The following ZPBP variants were observed in gnomAD, a reference collection of about 807,000 sequenced individuals.
ZPBP encodes the protein zona pellucida-binding protein 1.
A neutral mutation model predicts 44.8 loss-of-function variants in ZPBP; 26 were observed. That is an observed-to-expected ratio of 0.58 (90% confidence interval 0.43 to 0.81). ZPBP has a LOEUF of 0.81. ZPBP is among the 30% of genes least tolerant of loss of function. ZPBP has a pLI of 0.00. For missense variants in ZPBP, 409 were observed against 434.0 expected, an observed-to-expected ratio of 0.94 and a Z score of 0.51; for synonymous variants, 174 against 153.2, an observed-to-expected ratio of 1.14 and a Z score of -1.00.
chr7:49,984,463 TG>T (rs1247064124), intron 6 of ZPBP, among the ~76,000 whole-genome samples: 8 of 152,234 alleles, frequency 5.3e-5, no homozygotes, highest in Non-Finnish European at 1.2e-4. Context: ...AATGGTTTTA[TG>T]GAAGACAGTT....
intron 2 of ZPBP, among the ~76,000 whole-genome samples, chr7:49,886,654 G>T (rs1166180226): frequency 1.3e-5 from 2 of 151,962 alleles, no homozygotes; most frequent in Non-Finnish European, 2.9e-5. Context: ...TTGTTATATA[G>T]GTAAACTAGT....
At chr7:49,913,797 G>C (rs1400237118) in intron 1 of ZPBP, 1 of 152,108 alleles carries the variant, frequency 6.6e-6, no homozygotes, top group Non-Finnish European at 1.5e-5. Flanking sequence ...AATCATTAAA[G>C]ACTGAATAAC....
chr7:50,054,035 T>C (rs186064045), intron 4 of ZPBP, among the ~76,000 whole-genome samples: 1 of 152,156 alleles, frequency 6.6e-6, no homozygotes, highest in East Asian at 1.9e-4. Context: ...ATTACAGGCA[T>C]GCACCACCAC....
At chr7:49,980,289 A>AT (rs1474166973) in intron 7 of ZPBP, among the ~76,000 whole-genome samples, 2 of 47,340 alleles carry the variant, frequency 4.2e-5, no homozygotes, top group African/African-American at 1.3e-4. Context: ...TATATAATAT[A>AT]AATATATAAT....
At chr7:50,044,754 A>G (rs1800262393) in intron 4 of ZPBP, among the ~76,000 whole-genome samples, 1 of 152,232 alleles carries the variant, frequency 6.6e-6, no homozygotes, top group Non-Finnish European at 1.5e-5. Flanking sequence ...AGCTGGTACC[A>G]TTCCTTCTGA....
chr7:49,984,474 T>A (rs533319299), intron 6 of ZPBP, among the ~76,000 whole-genome samples: 13 of 152,288 alleles, frequency 8.5e-5, no homozygotes, highest in African/African-American at 3.1e-4. Context: ...GGAAGACAGT[T>A]TTTTCACAGA....
intron 2 of ZPBP, among the ~76,000 whole-genome samples, chr7:49,891,343 T>C (rs748529532): frequency 6.6e-6 from 1 of 152,098 alleles, no homozygotes; most frequent in Non-Finnish European, 1.5e-5. Context: ...TAAAGCAAAA[T>C]TGGAAAGAAC....
At chr7:49,968,868 G>A (rs1242225333) in intron 7 of ZPBP, among the ~76,000 whole-genome samples, 1 of 151,760 alleles carries the variant, frequency 6.6e-6, no homozygotes, top group African/African-American at 2.4e-5. Flanking sequence ...CTACATATCA[G>A]GAGAAAATAT....
intron 6 of ZPBP, among the ~76,000 whole-genome samples, chr7:49,993,304 G>T (rs1030864490): frequency 4.6e-5 from 7 of 151,924 alleles, no homozygotes; most frequent in African/African-American, 1.7e-4. Flanking sequence ...CTATGAAAAG[G>T]AATCATTTTT....
downstream of ZPBP, among the ~76,000 whole-genome samples, chr7:49,932,720 A>T (rs1481353352): frequency 6.6e-6 from 1 of 152,054 alleles, no homozygotes; most frequent in Non-Finnish European, 1.5e-5. Flanking sequence ...TCACAGGTGA[A>T]ACTATATGGT....
chr7:49,844,694 T>C, the ZPBP span, among the ~76,000 whole-genome samples: 1 of 152,154 alleles, frequency 6.6e-6, no homozygotes, highest in African/African-American at 2.4e-5. Flanking sequence ...TTTTTATTTT[T>C]ATTTTTATTT....
At chr7:50,024,465 A>C (rs1315962430) in intron 5 of ZPBP, among the ~76,000 whole-genome samples, 2 of 6,956 alleles carry the variant, frequency 2.9e-4, no homozygotes, top group African/African-American at 1.2e-3. Context: ...AATGCATTAT[A>C]CACACACACA....
At chr7:49,890,922 A>T (rs1476924158) in intron 2 of ZPBP, among the ~76,000 whole-genome samples, 1 of 142,832 alleles carries the variant, frequency 7.0e-6, no homozygotes, top group Non-Finnish European at 1.6e-5. Context: ...GTAAACAGGC[A>T]TAAAAAAAAG....
At chr7:49,986,739 T>C (rs1490329753) in intron 6 of ZPBP, among the ~76,000 whole-genome samples, 1 of 152,168 alleles carries the variant, frequency 6.6e-6, no homozygotes, top group Non-Finnish European at 1.5e-5. Context: ...TATCACTGTT[T>C]ATATTCTCCA....
chr7:49,935,627 G>A (rs1413476175), downstream of ZPBP: 1 of 152,322 alleles, frequency 6.6e-6, no homozygotes, highest in Non-Finnish European at 1.5e-5. Context: ...TCGAACTCCT[G>A]ACCTTGTGAT....
chr7:49,866,486 C>T (rs1790895377), intron 2 of ZPBP, among the ~76,000 whole-genome samples: 1 of 152,182 alleles, frequency 6.6e-6, no homozygotes, highest in Non-Finnish European at 1.5e-5. Context: ...CAAGCCTCTG[C>T]TTGCATTACA....
chr7:49,995,966 G>A (rs910268533), intron 6 of ZPBP, among the ~76,000 whole-genome samples: 2 of 151,976 alleles, frequency 1.3e-5, no homozygotes, highest in Non-Finnish European at 2.9e-5. Context: ...GGCAAAGTAG[G>A]GTGACTATAG....
intron 6 of ZPBP, among the ~76,000 whole-genome samples, chr7:49,986,169 T>C (rs1046362116): frequency 6.6e-6 from 1 of 152,152 alleles, no homozygotes; most frequent in Non-Finnish European, 1.5e-5. Context: ...CAAAGCATCT[T>C]TTCCCCTCTT....
chr7:49,890,345 C>T (rs1412801422), intron 2 of ZPBP, among the ~76,000 whole-genome samples: 2 of 152,156 alleles, frequency 1.3e-5, no homozygotes, highest in Admixed American at 6.5e-5. Flanking sequence ...GTAGGACCAT[C>T]AGGAAGACAA....
Sources: gnomAD v4.1 joint callset for allele counts (sites outside exome capture counted in the v4.1 genomes callset) on GRCh38, gnomAD v4.1.1 for gene constraint, MANE v1.5 for transcripts, NCBI Gene and HGNC (gene_info 2026-07-23, HGNC 2026-07-21) for gene names.